The following ANKDD1A variants were observed in gnomAD, a reference collection of about 807,000 sequenced individuals.
The protein encoded by ANKDD1A is ankyrin repeat and death domain containing 1A, also known as ankyrin repeat and death domain-containing protein 1A.
ANKDD1A carries 59 observed loss-of-function variants against 63.5 expected under a neutral mutation model. That is an observed-to-expected ratio of 0.93 (90% CI 0.75 to 1.15). ANKDD1A has a LOEUF of 1.15. Among genes scored for constraint, ANKDD1A ranks in the 50% most tolerant of loss-of-function variants. The pLI, the probability that ANKDD1A is intolerant of heterozygous loss-of-function variation, is 0.00. For synonymous variants in ANKDD1A, 266 were observed against 263.9 expected (o/e 1.01, Z -0.08); for missense variants, 632 against 656.4 (o/e 0.96, Z 0.41).
chr15:64,918,057 G>C (rs1277623521), intron 3 of ANKDD1A, among the ~76,000 whole-genome samples: 1 of 152,188 alleles, frequency 6.6e-6, no homozygotes, highest in East Asian at 1.9e-4. Flanking sequence ...TTATGGCTTT[G>C]TCTACATTTA....
At chr15:64,922,842 A>G (rs1343272202) in intron 4 of ANKDD1A, among the ~76,000 whole-genome samples, 1 of 152,154 alleles carries the variant, frequency 6.6e-6, no homozygotes, top group African/African-American at 2.4e-5. Context: ...TGTAGGTAAT[A>G]TTAGTACTTG....
At chr15:64,953,618 C>CTTCTCCTTCTTCTTAG (rs2085350671) in intron 14 of ANKDD1A, among the ~76,000 whole-genome samples, 2 of 19,296 alleles carry the variant, frequency 1.0e-4, no homozygotes, top group African/African-American at 1.8e-4. Flanking sequence ...TTCTCTCCTT[C>CTTCTCCTTCTTCTTAG]TTCTTCTTCT....
intron 9 of ANKDD1A, among the ~76,000 whole-genome samples, chr15:64,937,234 C>G (rs1309804158): frequency 6.6e-6 from 1 of 152,062 alleles, no homozygotes; most frequent in Admixed American, 6.6e-5. Context: ...ATAAAACTTA[C>G]AAATACATGT....
At chr15:64,922,262 AG>A (rs1383898809) in intron 4 of ANKDD1A, 2 of 504,690 alleles carry the variant, frequency 4.0e-6, no homozygotes, top group East Asian at 6.9e-5. Flanking sequence ...CTCAGAGGGT[AG>A]TTAGAAAAAT....
rs761863018 is a variant in ANKDD1A at position 64,915,822 on chromosome 15, C to T, written c.60C>T (p.His20=). The change falls in exon 2 of 15, where the codon CAC becomes CAT. Residue 20 remains histidine, a synonymous_variant. Transcript: ENST00000319580. ...TGCTTCCTCTGGAGAGGCAGCTCCA[C>T]GAGGCCGCCCGCCAGAACAATGTCG... ...DGLLPLERQL[H]EAARQNNVGR... 15 of 1,613,890 alleles carry T rather than the reference C, an allele frequency of 9.3e-6. No individual in the cohort carries two copies. The highest frequency in any genetic ancestry group is 1.6e-4 in the Middle Eastern group (1 of 6,082).
chr15:64,941,198 A>C (rs1430540072), intron 9 of ANKDD1A, among the ~76,000 whole-genome samples: 3 of 152,144 alleles, frequency 2.0e-5, no homozygotes, highest in Non-Finnish European at 4.4e-5. Context: ...ATTATGTGTC[A>C]TTTCTTGTAA....
chr15:64,951,587 TTTTC>T (rs1334854895), intron 14 of ANKDD1A, among the ~76,000 whole-genome samples: 46 of 101,194 alleles, frequency 4.5e-4, no homozygotes, highest in African/African-American at 1.5e-3. Flanking sequence ...TTCTTCTTCC[TTTTC>T]TTTCTTCTTT....
intron 6 of ANKDD1A, among the ~76,000 whole-genome samples, chr15:64,929,778 G>A (rs1182708151): frequency 2.0e-5 from 3 of 152,176 alleles, no homozygotes; most frequent in African/African-American, 7.2e-5. Context: ...AAACTTCAGA[G>A]AACAAAATAG....
intron 4 of ANKDD1A, among the ~76,000 whole-genome samples, chr15:64,924,040 C>T (rs1165330053): frequency 6.6e-6 from 1 of 152,146 alleles, no homozygotes; most frequent in African/African-American, 2.4e-5. Flanking sequence ...TATTATTTTC[C>T]ACAATTCTGT....
rs149066794 is a variant in ANKDD1A at position 64,920,303 on chromosome 15, T to C, written c.268-1618T>C. Among the ~76,000 whole-genome samples, 473 of 152,216 alleles carry C rather than the reference T, an allele frequency of 3.1e-3. 7 individuals are homozygous for C. The highest frequency in any genetic ancestry group is 0.011 in the African/African-American group (448 of 41,536). ...GTCAGTGAAGGGACTCTGGGGACCC[T>C]GGAGCACGGTGCAGATGTGGAGGAA... On this transcript the variant is annotated intron_variant, in intron 3 of 14. Coordinates refer to ENST00000319580, the MANE Select transcript of ANKDD1A (RefSeq NM_182703.6).
Position 64,951,891 on chromosome 15 carries a change from CTTTT to C in ANKDD1A, c.1483+1921_1483+1924del, listed in dbSNP as rs550565038. ...CTTTTTCTTTCTTCTTTCCTTCTTT[CTTTT>C]TCTTTTCTCTTCGTCCTCTTGTTCT... On this transcript the variant is annotated intron_variant, in intron 14 of 14. Transcript: ENST00000319580. Among the ~76,000 whole-genome samples, 139 of 62,930 alleles carry C rather than the reference CTTTT, an allele frequency of 2.2e-3. 1 individual carries two copies. The East Asian group carries it at 0.022, about 10-fold the overall frequency. The allele number at this position is 62,930 out of a possible 152,430, so 41.3% of individuals were successfully genotyped here.
Position 64,953,661 on chromosome 15 carries a change from C to CCTTCTTCCT in ANKDD1A, c.1484-3442_1484-3441insCTTCTTCCT, listed in dbSNP as rs2085354259. 9.0e-3 allele frequency among the ~76,000 whole-genome samples: 33 copies of CCTTCTTCCT among 3,660 alleles called. 1 individual carries two copies. The South Asian group carries it at 0.11, about 13-fold the overall frequency. 2.4% of individuals were successfully genotyped at this position (3,660 alleles called of 152,430 possible). A position where few individuals can be genotyped will look rare whatever the true frequency, so the allele number is the denominator to read the frequency against. ...TCTTCCTCTTCCTTCTCCTTCTTTT[C>CCTTCTTCCT]TTTCTTCTCCTTCTTTTCTTCTCCT... On this transcript the variant is annotated intron_variant, in intron 14 of 14. Coordinates refer to ENST00000319580, the MANE Select transcript of ANKDD1A (RefSeq NM_182703.6).
At chr15:64,950,024 G>A (rs2085257517) in intron 14 of ANKDD1A, 52 bp downstream of exon 14, 1 of 1,593,614 alleles carries the variant, frequency 6.3e-7, no homozygotes, top group African/African-American at 1.3e-5. Flanking sequence ...GGCCCCCACT[G>A]GAATGCAGCA....
intron 14 of ANKDD1A, among the ~76,000 whole-genome samples, chr15:64,953,032 CTTCCT>C (rs1717329596): frequency 1.2e-5 from 1 of 85,534 alleles, no homozygotes; most frequent in Non-Finnish European, 2.4e-5. Flanking sequence ...TCTCCTCCTT[CTTCCT>C]TTCTTCTTTC....
chr15:64,921,661 C>T (rs1351450127), intron 3 of ANKDD1A, among the ~76,000 whole-genome samples: 1 of 152,170 alleles, frequency 6.6e-6, no homozygotes, highest in African/African-American at 2.4e-5. Context: ...AGGCGTGAGC[C>T]ACCAAGCCTG....
At chr15:64,942,669 T>TA in intron 10 of ANKDD1A, 104 bp downstream of exon 10, 2 of 575,080 alleles carry the variant, frequency 3.5e-6, no homozygotes, top group Non-Finnish European at 5.2e-6. Flanking sequence ...AGTTGAGGAA[T>TA]CACTTTTTTT....
chr15:64,917,385 G>C lies in ANKDD1A; in HGVS notation c.139-1G>C. 6.2e-7 allele frequency: 1 copy of C among 1,604,232 alleles called. No homozygotes were observed. The highest frequency in any genetic ancestry group is 2.2e-5 in the East Asian group (1 of 44,690). On this transcript the variant is annotated splice_acceptor_variant, in intron 2 of 14. Coordinates refer to ENST00000319580, the MANE Select transcript of ANKDD1A (RefSeq NM_182703.6). LOFTEE classifies it high-confidence loss of function. ...GACAAGTGTCATCTCCCTCCGGGCA[G>C]GTGGGCAGGGTGGCCCTGCACTGGG...
chr15:64,954,107 CTTCCT>C (rs2085374777), intron 14 of ANKDD1A, among the ~76,000 whole-genome samples: 1 of 135,910 alleles, frequency 7.4e-6, no homozygotes, highest in Admixed American at 7.9e-5. Flanking sequence ...CTCTTTTCTT[CTTCCT>C]TTCTTTTCTC....
At chr15:64,952,648 T>TTTCTTCTTCCTTCTCCTC (rs1555366978) in intron 14 of ANKDD1A, among the ~76,000 whole-genome samples, 2 of 141,768 alleles carry the variant, frequency 1.4e-5, no homozygotes, top group South Asian at 2.2e-4. Flanking sequence ...TTCTTCTCCT[T>TTTCTTCTTCCTTCTCCTC]CTCCTTCTTC....
Sources: gnomAD v4.1 joint callset for allele counts (sites outside exome capture counted in the v4.1 genomes callset) on GRCh38, gnomAD v4.1.1 for gene constraint, MANE v1.5 for transcripts, NCBI Gene and HGNC (gene_info 2026-07-23, HGNC 2026-07-21) for gene names.